GPM6A: variants seen among roughly 807,000 people sequenced by gnomAD.
GPM6A encodes the protein glycoprotein M6A.
A neutral mutation model predicts 32.1 loss-of-function variants in GPM6A; 7 were observed. The ratio of observed to expected loss-of-function variants is 0.22; its 90% CI spans 0.12 to 0.41. GPM6A has a LOEUF of 0.41. GPM6A is among the 10% of genes least tolerant of loss of function. The pLI is 1.00. For synonymous variants in GPM6A, 130 were observed against 123.4 expected, an observed-to-expected ratio of 1.05 and a Z score of -0.35; for missense variants, 235 against 347.2, an observed-to-expected ratio of 0.68 and a Z score of 2.57.
intron 3 of GPM6A, among the ~76,000 whole-genome samples, chr4:175,667,897 G>A (rs1234707999): frequency 1.3e-5 from 2 of 151,982 alleles, no homozygotes; most frequent in Non-Finnish European, 2.9e-5. Flanking sequence ...AAAATAAAAT[G>A]TTGAACATTT....
chr4:175,829,626 T>G (rs1040449020), intron 1 of GPM6A, among the ~76,000 whole-genome samples: 1 of 146,702 alleles, frequency 6.8e-6, no homozygotes, highest in Admixed American at 7.0e-5. Context: ...TCAGAAAAAC[T>G]ACCAAAATAA....
chr4:175,860,663 A>G (rs1736547681), intron 1 of GPM6A, among the ~76,000 whole-genome samples: 1 of 152,156 alleles, frequency 6.6e-6, no homozygotes, highest in African/African-American at 2.4e-5. Context: ...CCATTTTCCT[A>G]TTAGTTACTT....
intron 1 of GPM6A, among the ~76,000 whole-genome samples, chr4:175,971,669 G>C (rs1410152032): frequency 6.6e-6 from 1 of 152,230 alleles, no homozygotes; most frequent in Non-Finnish European, 1.5e-5. Flanking sequence ...TGAATAGAGA[G>C]ATGGTAGAAG....
chr4:175,680,301 T>C (rs986861181), intron 2 of GPM6A, among the ~76,000 whole-genome samples: 1 of 152,194 alleles, frequency 6.6e-6, no homozygotes, highest in African/African-American at 2.4e-5. Flanking sequence ...TACGTCTTTC[T>C]TCCATAATGA....
chr4:175,719,945 T>C (rs888830881), intron 1 of GPM6A, among the ~76,000 whole-genome samples: 1 of 152,216 alleles, frequency 6.6e-6, no homozygotes, highest in East Asian at 1.9e-4. Context: ...TCAAATGTTA[T>C]AGAAGAAACG....
At chr4:175,637,376 A>ATTATATGTTATATATTATATATTT (rs1560842209) in intron 6 of GPM6A, among the ~76,000 whole-genome samples, 10 of 91,322 alleles carry the variant, frequency 1.1e-4, no homozygotes, top group African/African-American at 4.6e-4. Flanking sequence ...CATATAATAT[A>ATTATATGTTATATATTATATATTT]TTATATAATA....
intron 1 of GPM6A, among the ~76,000 whole-genome samples, chr4:175,722,007 C>T (rs1746158717): frequency 6.6e-6 from 1 of 152,006 alleles, no homozygotes; most frequent in African/African-American, 2.4e-5. Context: ...ATATTATGCG[C>T]CAGGTGCAAT....
intron 1 of GPM6A, among the ~76,000 whole-genome samples, chr4:175,729,185 T>C (rs559903941): frequency 1.1e-4 from 16 of 152,342 alleles, no homozygotes; most frequent in Non-Finnish European, 1.6e-4. Flanking sequence ...GGAATTCAAC[T>C]TAAGATAGTG....
chr4:175,903,446 A>G (rs1738030904), intron 1 of GPM6A, among the ~76,000 whole-genome samples: 1 of 152,184 alleles, frequency 6.6e-6, no homozygotes, highest in African/African-American at 2.4e-5. Context: ...TGATGAGAAA[A>G]AAATTTATAT....
intron 1 of GPM6A, among the ~76,000 whole-genome samples, chr4:175,871,929 C>T (rs1053425950): frequency 6.6e-6 from 1 of 152,162 alleles, no homozygotes; most frequent in Non-Finnish European, 1.5e-5. Context: ...GCTCAACTAA[C>T]ACATTATTTT....
chr4:175,949,536 T>G (rs1273675892), intron 1 of GPM6A, among the ~76,000 whole-genome samples: 5 of 151,960 alleles, frequency 3.3e-5, no homozygotes, highest in African/African-American at 1.2e-4. Flanking sequence ...ATATATTTTA[T>G]GTAAAACAAA....
intron 1 of GPM6A, among the ~76,000 whole-genome samples, chr4:175,854,747 C>T (rs148938461): frequency 2.2e-4 from 34 of 152,176 alleles, no homozygotes; most frequent in Middle Eastern, 3.4e-3. Context: ...ACAGAGTAGC[C>T]GAGGGAATAG....
At chr4:175,696,345 G>C (rs1262086038) in intron 2 of GPM6A, among the ~76,000 whole-genome samples, 1 of 152,086 alleles carries the variant, frequency 6.6e-6, no homozygotes, top group African/African-American at 2.4e-5. Context: ...ACAAGCTCAG[G>C]GGAGTTTGAC....
chr4:175,810,338 A>C (rs1259988020), intron 1 of GPM6A, among the ~76,000 whole-genome samples: 1 of 152,228 alleles, frequency 6.6e-6, no homozygotes, highest in African/African-American at 2.4e-5. Flanking sequence ...AAAAAAACCT[A>C]AATCATAAAT....
intron 1 of GPM6A, among the ~76,000 whole-genome samples, chr4:175,951,303 C>G (rs1011127777): frequency 6.6e-6 from 1 of 152,036 alleles, no homozygotes; most frequent in Non-Finnish European, 1.5e-5. Flanking sequence ...GTGGAAGAAC[C>G]ATACATTATG....
chr4:175,829,324 A>G (rs759676478), intron 1 of GPM6A, among the ~76,000 whole-genome samples: 7 of 152,196 alleles, frequency 4.6e-5, no homozygotes, highest in Non-Finnish European at 8.8e-5. Context: ...ACAGGGGGAA[A>G]GTTTCAAGTT....
Position 175,673,676 on chromosome 4 carries a change from A to C in GPM6A, c.387+4T>G. ...TAAATACTGAATGTAGAGAACTAACATACCCAAGCGCTCACACATCTGCCA... is the reference window on the plus strand; with the variant it reads ...TAAATACTGAATGTAGAGAACTAACCTACCCAAGCGCTCACACATCTGCCA... On this transcript the variant is annotated splice_donor_region_variant and intron_variant, in intron 3 of 6. Coordinates refer to ENST00000393658, the MANE Select transcript of GPM6A (RefSeq NM_201591.3). 1 of 1,602,152 alleles carries C rather than the reference A, an allele frequency of 6.2e-7. No individual in the cohort carries two copies. Among genetic ancestry groups the C allele is most frequent in the East Asian group, 2.2e-5 (1 of 44,800 alleles).
chr4:175,923,318 G>T (rs971411999), intron 1 of GPM6A, among the ~76,000 whole-genome samples: 1 of 147,074 alleles, frequency 6.8e-6, no homozygotes, highest in African/African-American at 2.5e-5. Context: ...TACTGCAAAG[G>T]TAGAGAGCCA....
intron 3 of GPM6A, among the ~76,000 whole-genome samples, chr4:175,665,611 CTA>C (rs1414225496): frequency 4.0e-5 from 6 of 151,832 alleles, no homozygotes; most frequent in Non-Finnish European, 8.8e-5. Context: ...TGATGAAAAC[CTA>C]TGTCTACCAA....
Sources: gnomAD v4.1 joint callset for allele counts (sites outside exome capture counted in the v4.1 genomes callset) on GRCh38, gnomAD v4.1.1 for gene constraint, MANE v1.5 for transcripts, NCBI Gene and HGNC (gene_info 2026-07-23, HGNC 2026-07-21) for gene names.